The following ANKS1B variants were observed in gnomAD, a reference collection of about 807,000 sequenced individuals.
The protein encoded by ANKS1B is ankyrin repeat and sterile alpha motif domain-containing protein 1B.
A neutral mutation model predicts 148.3 loss-of-function variants in ANKS1B; 36 were observed. That is an observed-to-expected ratio of 0.24 (90% CI 0.19 to 0.32). ANKS1B has a LOEUF of 0.32. ANKS1B is among the 10% of genes least tolerant of loss of function. The probability of loss-of-function intolerance (pLI) is 1.00; values close to 1 mark genes in which losing one functional copy is unlikely to be tolerated. For missense variants in ANKS1B, 1,157 were observed against 1,542.6 expected (o/e 0.75, Z 4.19); for synonymous variants, 542 against 560.8 (o/e 0.97, Z 0.47).
chr12:99,560,491 T>C (rs1320518609), intron 9 of ANKS1B, among the ~76,000 whole-genome samples: 1 of 152,182 alleles, frequency 6.6e-6, no homozygotes, highest in East Asian at 1.9e-4. Flanking sequence ...TAAAATAAAG[T>C]TGATATGCAG....
At chr12:99,051,348 T>C (rs560059208) in intron 17 of ANKS1B, among the ~76,000 whole-genome samples, 1 of 152,216 alleles carries the variant, frequency 6.6e-6, no homozygotes, top group Non-Finnish European at 1.5e-5. Context: ...GCTAGCTAGG[T>C]GAGTGATTCA....
intron 17 of ANKS1B, among the ~76,000 whole-genome samples, chr12:98,899,548 C>T (rs559583398): frequency 2.8e-4 from 42 of 152,266 alleles, no homozygotes; most frequent in African/African-American, 8.9e-4. Flanking sequence ...TCCTTAAGAG[C>T]GGCTTCCCTG....
At chr12:99,729,434 T>C (rs1433080866) in intron 8 of ANKS1B, among the ~76,000 whole-genome samples, 1 of 152,210 alleles carries the variant, frequency 6.6e-6, no homozygotes, top group East Asian at 1.9e-4. Flanking sequence ...GTTGAGGTTC[T>C]TAGAGTGAAC....
rs1401970222 is a variant in ANKS1B, at chr12:99,422,942, T to C, written c.1575+20731A>G. Among the ~76,000 whole-genome samples, 4 of 152,122 alleles carry C rather than the reference T, an allele frequency of 2.6e-5. No homozygotes were observed. In the East Asian group the frequency reaches 7.7e-4, roughly 29 times the overall value. The stretch of plus-strand genomic sequence containing the variant: ...TAGAGAGGCAGAGGAATGCCTTCAG[T>C]TTAATAGGATGGAGAAAGAAATGAA... On this transcript the variant is annotated intron_variant, in intron 11 of 26. Coordinates refer to ENST00000683438, the MANE Select transcript of ANKS1B (RefSeq NM_001352186.2).
chr12:99,921,051 T>G (rs573645863), intron 1 of ANKS1B, among the ~76,000 whole-genome samples: 10 of 152,320 alleles, frequency 6.6e-5, no homozygotes, highest in African/African-American at 2.4e-4. Flanking sequence ...GAAACTAGCT[T>G]GATAAGTCTT....
At chr12:99,889,914 A>G (rs2093009057) in intron 1 of ANKS1B, among the ~76,000 whole-genome samples, 1 of 152,182 alleles carries the variant, frequency 6.6e-6, no homozygotes, top group South Asian at 2.1e-4. Context: ...ATAAGCTTCT[A>G]GGTGGGCCCA....
chr12:99,442,942 A>G (rs1401979624), intron 11 of ANKS1B, among the ~76,000 whole-genome samples: 1 of 151,904 alleles, frequency 6.6e-6, no homozygotes, highest in African/African-American at 2.4e-5. Context: ...AACACCACCA[A>G]TTTCGTGTTC....
At chr12:99,433,963 C>T (rs187258965) in intron 11 of ANKS1B, among the ~76,000 whole-genome samples, 1 of 152,100 alleles carries the variant, frequency 6.6e-6, no homozygotes, top group East Asian at 1.9e-4. Flanking sequence ...CTCAAATCAC[C>T]GCTTAAGATG....
chr12:99,471,814 T>C (rs2152905510), intron 10 of ANKS1B, among the ~76,000 whole-genome samples: 1 of 152,212 alleles, frequency 6.6e-6, no homozygotes, highest in Non-Finnish European at 1.5e-5. Context: ...CTATAATCTG[T>C]GAAATCCCTG....
intron 9 of ANKS1B, among the ~76,000 whole-genome samples, chr12:99,545,023 G>A (rs567006338): frequency 3.9e-5 from 6 of 152,100 alleles, no homozygotes; most frequent in Admixed American, 2.0e-4. Flanking sequence ...ATCATTGGTC[G>A]AACTTACTGG....
At chr12:99,072,635 C>T (rs117632730) in intron 16 of ANKS1B, among the ~76,000 whole-genome samples, 1 of 152,212 alleles carries the variant, frequency 6.6e-6, no homozygotes, top group East Asian at 1.9e-4. Flanking sequence ...CTTTGAAGTA[C>T]AGCGTTTAGA....
intron 9 of ANKS1B, among the ~76,000 whole-genome samples, chr12:99,556,561 C>T (rs1219012612): frequency 6.6e-6 from 1 of 152,082 alleles, no homozygotes; most frequent in Non-Finnish European, 1.5e-5. Context: ...ATCTTTCTAA[C>T]GTTTTGATGT....
Position 99,984,125 on chromosome 12 carries a change from A to C in ANKS1B, c.113T>G (p.Leu38Arg). The change falls in exon 1 of 27, where the codon CTG (leucine) becomes CGG (arginine). Residue 38 changes from leucine to arginine, a missense_variant. Transcript: ENST00000683438. ...GGILGGGSGP[L>R]PLSNLLSIWR... is the part of the protein sequence containing the mutation. ...TTACCTTAGCAGATTAGACAGGGGC[A>C]GGGGTCCGGATCCACCGCCCAGGAT... 6.2e-7 allele frequency: 1 copy of C among 1,613,648 alleles called. No homozygotes were observed. Among genetic ancestry groups the C allele is most frequent in the South Asian group, 1.1e-5 (1 of 91,052 alleles).
At chr12:99,148,264 T>C (rs952236203) in intron 15 of ANKS1B, among the ~76,000 whole-genome samples, 4 of 152,250 alleles carry the variant, frequency 2.6e-5, no homozygotes, top group South Asian at 2.1e-4. Context: ...TAAAGGCCTA[T>C]TCATGTGAGC....
chr12:99,453,074 A>G (rs1208408059), intron 10 of ANKS1B, among the ~76,000 whole-genome samples: 1 of 152,130 alleles, frequency 6.6e-6, no homozygotes, highest in Non-Finnish European at 1.5e-5. Context: ...GCGGATCACA[A>G]GGTCAGGAGA....
intron 1 of ANKS1B, among the ~76,000 whole-genome samples, chr12:99,853,723 A>C (rs1274787397): frequency 6.6e-6 from 1 of 152,204 alleles, no homozygotes; most frequent in African/African-American, 2.4e-5. Flanking sequence ...ACCAAGAAGA[A>C]ATCTCTGAAT....
chr12:99,135,431 T>C (rs761878605), intron 15 of ANKS1B, among the ~76,000 whole-genome samples: 31 of 152,062 alleles, frequency 2.0e-4, no homozygotes, highest in Non-Finnish European at 3.4e-4. Context: ...TGGAACAGGA[T>C]GAAAAAGACA....
chr12:98,885,977 T>C (rs1250135971), intron 17 of ANKS1B, among the ~76,000 whole-genome samples: 1 of 151,238 alleles, frequency 6.6e-6, no homozygotes. Flanking sequence ...GCACGGCAGA[T>C]ATGCAAGCAT....
chr12:98,937,855 G>T (rs2099820211), intron 17 of ANKS1B, among the ~76,000 whole-genome samples: 2 of 152,094 alleles, frequency 1.3e-5, no homozygotes, highest in African/African-American at 4.8e-5. Flanking sequence ...AATCACAGTG[G>T]AAGGTGAAGC....
Sources: gnomAD v4.1 joint callset for allele counts (sites outside exome capture counted in the v4.1 genomes callset) on GRCh38, gnomAD v4.1.1 for gene constraint, MANE v1.5 for transcripts, NCBI Gene and HGNC (gene_info 2026-07-23, HGNC 2026-07-21) for gene names.